Variants in CUX1 observed in about 807,000 individuals in gnomAD.
The protein encoded by CUX1 is protein CASP.
In CUX1, 31 loss-of-function variants were observed where a neutral mutation model predicts 158.8. That is an observed-to-expected ratio of 0.20 (90% CI 0.15 to 0.26). The LOEUF is 0.26. CUX1 is among the 10% of genes least tolerant of loss of function. The pLI, the probability that CUX1 is intolerant of heterozygous loss-of-function variation, is 1.00. For missense variants in CUX1, 1,589 were observed against 2,014.6 expected (o/e 0.79, Z 4.04); for synonymous variants, 879 against 862.1 (o/e 1.02, Z -0.34).
intron 2 of CUX1, among the ~76,000 whole-genome samples, chr7:101,936,293 T>C (rs1371361816): frequency 2.6e-5 from 4 of 152,020 alleles, no homozygotes. Flanking sequence ...GGTTAAGGTA[T>C]GGACTTCCCC....
At chr7:101,892,508 C>G (rs898738850) in intron 1 of CUX1, among the ~76,000 whole-genome samples, 2 of 152,046 alleles carry the variant, frequency 1.3e-5, no homozygotes, top group Non-Finnish European at 2.9e-5. Flanking sequence ...TGTAATGAGC[C>G]GGAGGAAATG....
At chr7:101,928,912 C>CA (rs548122601) in intron 2 of CUX1, among the ~76,000 whole-genome samples, 208 of 143,960 alleles carry the variant, frequency 1.4e-3, no homozygotes, top group South Asian at 2.7e-3. Flanking sequence ...CCTCGTGATC[C>CA]ACCCGCCTCG....
At chr7:101,930,373 G>A (rs1563024053) in intron 2 of CUX1, among the ~76,000 whole-genome samples, 1 of 152,304 alleles carries the variant, frequency 6.6e-6, no homozygotes, top group East Asian at 1.9e-4. Context: ...ATAAGCCAAA[G>A]CGTGGGAAAA....
chr7:101,837,921 C>G (rs191042989), intron 1 of CUX1, among the ~76,000 whole-genome samples: 1 of 149,360 alleles, frequency 6.7e-6, no homozygotes, highest in East Asian at 2.0e-4. Flanking sequence ...ACACCACGTG[C>G]AAGAAAAACA....
Position 101,921,440 on chromosome 7 carries a change from T to TTTA in CUX1, c.141+5217_141+5218insATT, listed in dbSNP as rs57287691. On this transcript the variant is annotated intron_variant, in intron 2 of 23. Transcript: ENST00000292535. Reference sequence around the variant, plus strand: ...TGGGGAATTTCTATGTTTTATTTTATTTTATTTATTTATTTATTTATTTAT... The same window carrying TTTA: ...TGGGGAATTTCTATGTTTTATTTTATTTATTTATTTATTTATTTATTTATTTAT... 2.2e-3 allele frequency among the ~76,000 whole-genome samples: 324 copies of TTTA among 150,094 alleles called. 1 individual carries two copies. The highest frequency in any genetic ancestry group is 2.9e-3 in the Admixed American group (44 of 14,998).
At chr7:102,009,403 C>CTGCAGAGCG (rs1368844918) in intron 2 of CUX1, among the ~76,000 whole-genome samples, 2 of 152,218 alleles carry the variant, frequency 1.3e-5, no homozygotes, top group Admixed American at 1.3e-4. Context: ...CTGCGTGGGG[C>CTGCAGAGCG]TGCAGAGCGG....
At chr7:102,225,239 GAC>G (rs1798227958) in intron 20 of CUX1, among the ~76,000 whole-genome samples, 2 of 152,200 alleles carry the variant, frequency 1.3e-5, no homozygotes, top group Admixed American at 1.3e-4. Flanking sequence ...CCAGGTCAAG[GAC>G]ACAGCCTTAT....
chr7:102,119,151 GC>G (rs1831762891), intron 8 of CUX1, among the ~76,000 whole-genome samples: 1 of 152,220 alleles, frequency 6.6e-6, no homozygotes. Context: ...GCTATTCCCA[GC>G]AAGCTCAGAG....
chr7:101,998,617 AAG>A (rs549507645), intron 2 of CUX1, among the ~76,000 whole-genome samples: 4 of 152,182 alleles, frequency 2.6e-5, no homozygotes, highest in Non-Finnish European at 5.9e-5. Flanking sequence ...GAAGAAGAGA[AAG>A]AGAGACTTTT....
At chr7:102,220,939 G>C (rs895176179) in intron 20 of CUX1, among the ~76,000 whole-genome samples, 1 of 152,110 alleles carries the variant, frequency 6.6e-6, no homozygotes, top group Non-Finnish European at 1.5e-5. Context: ...TCAAACTCCT[G>C]ACCTCAAGCG....
intron 3 of CUX1, among the ~76,000 whole-genome samples, chr7:102,051,136 C>G (rs1350249478): frequency 2.0e-5 from 3 of 152,182 alleles, no homozygotes; most frequent in Non-Finnish European, 4.4e-5. Context: ...CCAGTCACCT[C>G]CTCTGCTCCA....
chr7:102,057,708 T>A (rs1824323358), intron 3 of CUX1, among the ~76,000 whole-genome samples: 1 of 152,058 alleles, frequency 6.6e-6, no homozygotes, highest in African/African-American at 2.4e-5. Context: ...GGATGAGGGG[T>A]TGCTTCTTAT....
chr7:102,230,336 A>G (rs1798829372), intron 21 of CUX1, among the ~76,000 whole-genome samples: 2 of 151,852 alleles, frequency 1.3e-5, no homozygotes, highest in South Asian at 4.2e-4. Context: ...TTTAAAAATT[A>G]TTATCCAGGC....
chr7:101,833,562 TAAAAAAAAAA>T (rs534986714), intron 1 of CUX1, among the ~76,000 whole-genome samples: 9 of 75,814 alleles, frequency 1.2e-4, no homozygotes, highest in Non-Finnish European at 1.6e-4. Flanking sequence ...CTCTGTCTCT[TAAAAAAAAAA>T]AAAAAAAAAA....
intron 10 of CUX1, among the ~76,000 whole-genome samples, chr7:102,173,996 A>C (rs1451453025): frequency 2.6e-5 from 4 of 152,168 alleles, no homozygotes; most frequent in African/African-American, 9.7e-5. Flanking sequence ...CTGTAGATCT[A>C]GCAAAGGCCA....
chr7:102,234,794 G>T (rs1460347085), intron 22 of CUX1, among the ~76,000 whole-genome samples: 1 of 151,514 alleles, frequency 6.6e-6, no homozygotes, highest in Non-Finnish European at 1.5e-5. Flanking sequence ...GCCAAGCTTG[G>T]TGGCGTGCGC....
intron 1 of CUX1, among the ~76,000 whole-genome samples, chr7:101,903,338 C>A (rs183617913): frequency 7.0e-4 from 106 of 152,198 alleles, no homozygotes; most frequent in African/African-American, 2.4e-3. Context: ...GATGAGCAGA[C>A]CCCAAGAACC....
At chr7:102,277,937 C>A (rs1554548089) in intron 17 of CUX1, 2 of 1,426,442 alleles carry the variant, frequency 1.4e-6, no homozygotes, top group Non-Finnish European at 1.9e-6. Context: ...TTCCTTGCCC[C>A]TCCCCCCCCA....
Position 102,052,224 on chromosome 7 carries a change from A to G in CUX1, c.190-18115A>G, listed in dbSNP as rs544491670. Among the ~76,000 whole-genome samples the G allele has an allele frequency of 1.6e-4, 24 of 152,314 alleles. 1 individual carries two copies. In the South Asian group the frequency reaches 4.8e-3, roughly 30 times the overall value. On this transcript the variant is annotated intron_variant, in intron 3 of 23. Coordinates refer to ENST00000292535, the MANE Select transcript of CUX1 (RefSeq NM_181552.4). Reference sequence around the variant, plus strand: ...TAACAGAGTGAGACTCCATCTAAAAAGAAAGAAAGAAACGTAATACCCATT... The same window carrying G: ...TAACAGAGTGAGACTCCATCTAAAAGGAAAGAAAGAAACGTAATACCCATT...
Sources: gnomAD v4.1 joint callset for allele counts (sites outside exome capture counted in the v4.1 genomes callset) on GRCh38, gnomAD v4.1.1 for gene constraint, MANE v1.5 for transcripts, NCBI Gene and HGNC (gene_info 2026-07-23, HGNC 2026-07-21) for gene names.